The following LRIG1 variants were observed in gnomAD, a reference collection of about 807,000 sequenced individuals.
LRIG1 encodes the protein leucine rich repeats and immunoglobulin like domains 1.
LRIG1 carries 48 observed loss-of-function variants against 99.2 expected under a neutral mutation model. The observed-to-expected ratio is 0.48, with a 90% CI of 0.38 to 0.62. The LOEUF is 0.62. LRIG1 is among the 20% of genes least tolerant of loss of function. LRIG1 has a pLI of 0.00. For synonymous variants in LRIG1, 772 were observed against 596.1 expected (o/e 1.29, Z -4.30); for missense variants, 1,646 against 1,434.4 (o/e 1.15, Z -2.38).
chr3:66,473,144 A>G (rs1700642363), intron 1 of LRIG1, among the ~76,000 whole-genome samples: 1 of 152,208 alleles, frequency 6.6e-6, no homozygotes, highest in Non-Finnish European at 1.5e-5. Context: ...TATATGTCCT[A>G]TTTGAAGAAG....
intron 9 of LRIG1, among the ~76,000 whole-genome samples, chr3:66,399,733 A>G (rs1309519869): frequency 6.6e-6 from 1 of 152,178 alleles, no homozygotes; most frequent in East Asian, 1.9e-4. Context: ...GCGCCACTGC[A>G]CTCCAGCCTG....
chr3:66,443,970 GA>G lies in LRIG1; in HGVS notation c.365+7588del, dbSNP rs894131835. Among the ~76,000 whole-genome samples the G allele has an allele frequency of 1.5e-4, 23 of 152,282 alleles. No individual in the cohort carries two copies. The East Asian group carries it at 1.5e-3, about 10-fold the overall frequency. On this transcript the variant is annotated intron_variant, in intron 3 of 18. Transcript: ENST00000273261. The stretch of plus-strand genomic sequence containing the variant: ...AGGTGGGGACCCCAGTAGGGTGGGG[GA>G]AAAAATGCCCACCTTTCAGACACGC...
intron 15 of LRIG1, among the ~76,000 whole-genome samples, chr3:66,382,628 G>A (rs1701144662): frequency 6.6e-6 from 1 of 150,562 alleles, no homozygotes; most frequent in South Asian, 2.1e-4. Context: ...CACAAGAAGT[G>A]GAGACCAGTG....
rs749429475 is a variant in LRIG1, at chr3:66,380,646, A to G, written c.2986T>C (p.Tyr996His). 217 of 1,614,098 alleles carry G rather than the reference A, an allele frequency of 1.3e-4. 1 individual carries two copies. The highest frequency in any genetic ancestry group is 1.8e-4 in the Non-Finnish European group (210 of 1,180,046). Residue 996 changes from tyrosine (Y) to histidine (H), a missense_variant, in exon 18 of 19, where the codon TAC becomes CAC. Coordinates refer to ENST00000273261, the MANE Select transcript of LRIG1 (RefSeq NM_015541.3). ...AGCATTCTATCGTGGTTACTGGGGTAGAGCGACCCTTGGCACTCGGGGCAG... is the reference window on the plus strand; with the variant it reads ...AGCATTCTATCGTGGTTACTGGGGTGGAGCGACCCTTGGCACTCGGGGCAG... ...GSCPECQGSL[Y>H]PSNHDRMLTA...
At chr3:66,485,366 A>G (rs1352930576) in intron 1 of LRIG1, among the ~76,000 whole-genome samples, 1 of 152,140 alleles carries the variant, frequency 6.6e-6, no homozygotes, top group Non-Finnish European at 1.5e-5. Context: ...CATAAACTCC[A>G]TCAGCAGGCT....
chr3:66,394,390 G>T (rs1388565109), intron 11 of LRIG1, among the ~76,000 whole-genome samples, 187 bp from the exon 12 acceptor site: 1 of 152,160 alleles, frequency 6.6e-6, no homozygotes, highest in Non-Finnish European at 1.5e-5. Flanking sequence ...CCCACCTGGA[G>T]ATTTTGAAAA....
rs1304758650 is a variant in LRIG1, at chr3:66,462,439, C to T, written c.289G>A (p.Val97Met). ...CCAGAGGTTTAGGGGGAGACTCACA[C>T]TTCCTGTAGGTTCGGCAAGTCCTCA... ...GFEDLPNLQE[V>M]YLNNNELTAV... Residue 97 changes from valine (V) to methionine (M), a missense_variant and splice_region_variant, in exon 2 of 19, where the codon GTG (valine) becomes ATG (methionine). Physicochemically the swap from Val to Met is conservative, Grantham distance 21 (BLOSUM62 1). Coordinates refer to ENST00000273261, the MANE Select transcript of LRIG1 (RefSeq NM_015541.3). The T allele has an allele frequency of 6.2e-7, 1 of 1,611,244 alleles. No individual in the cohort carries two copies. Among genetic ancestry groups the T allele is most frequent in the Non-Finnish European group, 8.5e-7 (1 of 1,178,350 alleles).
intron 3 of LRIG1, among the ~76,000 whole-genome samples, chr3:66,436,812 TC>T (rs2106762545): frequency 6.6e-6 from 1 of 151,092 alleles, no homozygotes; most frequent in Admixed American, 6.6e-5. Flanking sequence ...CCTCTCATGC[TC>T]CCAAAATCTC....
chr3:66,440,202 C>T (rs560044513), intron 3 of LRIG1, among the ~76,000 whole-genome samples: 16 of 152,238 alleles, frequency 1.1e-4, no homozygotes, highest in South Asian at 4.1e-4. Context: ...ACCACCACAA[C>T]GCCTGGGCCC....
chr3:66,408,913 A>AGTGT (rs55651719), intron 7 of LRIG1, among the ~76,000 whole-genome samples: 2,440 of 34,834 alleles, frequency 0.07, 130 homozygotes, highest in Middle Eastern at 0.087. Flanking sequence ...ACTCCAAGTC[A>AGTGT]GTGTGTGTGT....
intron 1 of LRIG1, among the ~76,000 whole-genome samples, chr3:66,483,999 C>G (rs1051849749): frequency 6.6e-6 from 1 of 152,184 alleles, no homozygotes; most frequent in African/African-American, 2.4e-5. Context: ...TCAGAGAGAC[C>G]AAAAAGACCG....
rs1328244106 is a variant in LRIG1 at position 66,380,055 on chromosome 3, G to A, written c.*208C>T. The stretch of plus-strand genomic sequence containing the variant: ...ATCTCTGAAAACTCTTATGTACAAT[G>A]ATATCAAATACTTTTTTTGCCTTTT... On this transcript the variant is annotated 3_prime_UTR_variant, in exon 19 of 19. Transcript: ENST00000273261. 3 of 489,184 alleles carry A rather than the reference G, an allele frequency of 6.1e-6. No homozygotes were observed. In the East Asian group the frequency reaches 9.5e-5, roughly 15 times the overall value. The allele number at this position is 489,184 out of a possible 1,614,324, so 30.3% of individuals were successfully genotyped here. A position where few individuals can be genotyped will look rare whatever the true frequency, so the allele number is the denominator to read the frequency against.
At chr3:66,475,744 C>A (rs1700708060) in intron 1 of LRIG1, among the ~76,000 whole-genome samples, 1 of 152,188 alleles carries the variant, frequency 6.6e-6, no homozygotes, top group Non-Finnish European at 1.5e-5. Flanking sequence ...AGCACCTGCA[C>A]AAACTCGTCA....
chr3:66,428,465 C>A (rs764424510), intron 3 of LRIG1, among the ~76,000 whole-genome samples: 4 of 151,962 alleles, frequency 2.6e-5, no homozygotes, highest in Non-Finnish European at 4.4e-5. Flanking sequence ...TAAGTGAGGG[C>A]CTAATGATCA....
intron 12 of LRIG1, among the ~76,000 whole-genome samples, chr3:66,392,283 T>C (rs955925250): frequency 3.9e-5 from 6 of 152,242 alleles, no homozygotes; most frequent in African/African-American, 1.4e-4. Flanking sequence ...TGTGAACATA[T>C]ACATTCATTT....
chr3:66,445,578 T>G (rs543299980), intron 3 of LRIG1, among the ~76,000 whole-genome samples: 1 of 152,200 alleles, frequency 6.6e-6, no homozygotes, highest in South Asian at 2.1e-4. Context: ...TAGGAATAAA[T>G]GCACAAAGAG....
At chr3:66,456,446 G>C (rs1700222594) in intron 2 of LRIG1, among the ~76,000 whole-genome samples, 1 of 151,946 alleles carries the variant, frequency 6.6e-6, no homozygotes, top group South Asian at 2.1e-4. Context: ...GGTTGTGCAC[G>C]CCTGTAGTTC....
chr3:66,464,943 C>A (rs1375637150), intron 1 of LRIG1, among the ~76,000 whole-genome samples: 2 of 152,190 alleles, frequency 1.3e-5, no homozygotes, highest in African/African-American at 4.8e-5. Context: ...CTAGCAGTAT[C>A]AGGACTTAAC....
At chr3:66,464,299 G>A (rs1700422048) in intron 1 of LRIG1, among the ~76,000 whole-genome samples, 1 of 152,002 alleles carries the variant, frequency 6.6e-6, no homozygotes, top group East Asian at 1.9e-4. Context: ...AACCACAAAG[G>A]CAAGAGCTTA....
Sources: gnomAD v4.1 joint callset for allele counts (sites outside exome capture counted in the v4.1 genomes callset) on GRCh38, gnomAD v4.1.1 for gene constraint, MANE v1.5 for transcripts, NCBI Gene and HGNC (gene_info 2026-07-23, HGNC 2026-07-21) for gene names.